ERLIN2: variants seen among roughly 807,000 people sequenced by gnomAD.
ERLIN2 encodes erlin-2.
A neutral mutation model predicts 41.5 loss-of-function variants in ERLIN2; 22 were observed. The observed-to-expected ratio is 0.53, with a 90% confidence interval of 0.38 to 0.76. The LOEUF is 0.76. ERLIN2 is among the 30% of genes least tolerant of loss of function. ERLIN2 has a pLI of 0.00. For synonymous variants in ERLIN2, 149 were observed against 150.9 expected, an observed-to-expected ratio of 0.99 and a Z score of 0.09; for missense variants, 247 against 414.3, an observed-to-expected ratio of 0.60 and a Z score of 3.51.
chr8:37,749,660 C>G lies in ERLIN2; in HGVS notation c.498+28C>G, dbSNP rs773251600. 9 of 1,571,074 alleles carry G rather than the reference C, an allele frequency of 5.7e-6. 1 individual carries two copies. In the South Asian group the frequency reaches 1.0e-4, roughly 17 times the overall value. The stretch of plus-strand genomic sequence containing the variant: ...AAGCATTGCTGCATGGGAGCAGCCC[C>G]TCTCTCTCTGACACTGCTTCCCTTC... On this transcript the variant is annotated intron_variant, in intron 7 of 11. Transcript: ENST00000519638.
chr8:37,749,519 G>C, intron 6 of ERLIN2, 40 bp from the exon 7 acceptor site: 1 of 1,431,042 alleles, frequency 7.0e-7, no homozygotes, highest in South Asian at 1.1e-5. Context: ...CATCTAGAAA[G>C]TGTAACAACT....
chr8:37,753,796 CAAT>C (rs2129727698), intron 11 of ERLIN2, 116 bp from the exon 12 acceptor site: 2 of 901,542 alleles, frequency 2.2e-6, no homozygotes, highest in East Asian at 2.6e-5. Context: ...AGAAATGTAA[CAAT>C]GAGACCACAA....
chr8:37,748,509 C>G (rs573001437), intron 6 of ERLIN2, among the ~76,000 whole-genome samples: 1 of 152,280 alleles, frequency 6.6e-6, no homozygotes, highest in African/African-American at 2.4e-5. Flanking sequence ...TCCTAACAAT[C>G]AAGGCCCACC....
chr8:37,739,525 G>C (rs758314651), intron 2 of ERLIN2, among the ~76,000 whole-genome samples: 38 of 151,960 alleles, frequency 2.5e-4, no homozygotes, highest in Non-Finnish European at 5.1e-4. Context: ...GCCCAGGCTG[G>C]AGTGCAGTGG....
rs891430350 is a variant in ERLIN2 at position 37,757,975 on chromosome 8, T to C, written c.*3860T>C. The stretch of plus-strand genomic sequence containing the variant: ...ACTCCCAGTCTTTACTCTGGAAAGC[T>C]GCCCAGCTTAGGGTTGCCAGATAAA... On this transcript the variant is annotated 3_prime_UTR_variant, in exon 12 of 12. Coordinates refer to ENST00000519638, the MANE Select transcript of ERLIN2 (RefSeq NM_007175.8). The C allele has an allele frequency of 6.6e-6, 1 of 152,236 alleles. No individual in the cohort carries two copies. The highest frequency in any genetic ancestry group is 2.4e-5 in the African/African-American group (1 of 41,468). The allele number at this position is 152,236 out of a possible 1,614,324, so 9.4% of individuals were successfully genotyped here.
chr8:37,754,220 G>T lies in ERLIN2; in HGVS notation c.*105G>T. On this transcript the variant is annotated 3_prime_UTR_variant, in exon 12 of 12. Coordinates refer to ENST00000519638, the MANE Select transcript of ERLIN2 (RefSeq NM_007175.8). The stretch of plus-strand genomic sequence containing the variant: ...GACTACCTTCTCTGACTGTCTTCCA[G>T]TTACTGTGGTGAAAAAGAAGAAATG... The T allele has an allele frequency of 1.1e-6, 1 of 873,118 alleles. No individual in the cohort carries two copies. The highest frequency in any genetic ancestry group is 1.7e-5 in the African/African-American group (1 of 60,104). 54.1% of individuals were successfully genotyped at this position (873,118 alleles called of 1,614,324 possible). A position where few individuals can be genotyped will look rare whatever the true frequency, so the allele number is the denominator to read the frequency against.
intron 7 of ERLIN2, 50 bp from the exon 8 acceptor site, chr8:37,749,744 C>T (rs1485026770): frequency 1.3e-6 from 2 of 1,580,816 alleles, no homozygotes; most frequent in Non-Finnish European, 1.7e-6. Context: ...CTGGGTGTGT[C>T]CCTCACTACC....
rs2129743507 is a variant in ERLIN2, at chr8:37,757,474, CAA to C, written c.*3361_*3362del. The stretch of plus-strand genomic sequence containing the variant: ...TAAGTAGGCAAACTACTTCTACTTT[CAA>C]AGAGCCCCAAGGGCTTAATGACCCC... On this transcript the variant is annotated 3_prime_UTR_variant, in exon 12 of 12. Coordinates refer to ENST00000519638, the MANE Select transcript of ERLIN2 (RefSeq NM_007175.8). The C allele has an allele frequency of 6.6e-6, 1 of 152,144 alleles. No homozygotes were observed. The highest frequency in any genetic ancestry group is 1.9e-4 in the East Asian group (1 of 5,184). The allele number at this position is 152,144 out of a possible 1,614,324, so 9.4% of individuals were successfully genotyped here.
intron 4 of ERLIN2, among the ~76,000 whole-genome samples, chr8:37,742,442 A>G (rs2129665545): frequency 6.6e-6 from 1 of 152,272 alleles, no homozygotes; most frequent in East Asian, 1.9e-4. Context: ...AGAAAATGTG[A>G]TACATATATA....
Position 37,738,044 on chromosome 8 carries a change from G to T in ERLIN2, c.107+15G>T. On this transcript the variant is annotated intron_variant, in intron 2 of 11. Transcript: ENST00000519638. Reference sequence around the variant, plus strand: ...GTATATTACAGGTAAGGCAGAGACAGGGAGAAGCCGGCAACTTCCTGTTAA... The same window carrying T: ...GTATATTACAGGTAAGGCAGAGACATGGAGAAGCCGGCAACTTCCTGTTAA... The T allele has an allele frequency of 6.2e-7, 1 of 1,613,912 alleles. No individual in the cohort carries two copies. The highest frequency in any genetic ancestry group is 8.5e-7 in the Non-Finnish European group (1 of 1,179,842).
In ERLIN2 at chr8:37,741,782, A is replaced by C. The variant is rs770428614; in HGVS notation, c.200A>C (p.Gln67Pro). The C allele has an allele frequency of 6.2e-7, 1 of 1,613,610 alleles. No individual in the cohort carries two copies. Among genetic ancestry groups the C allele is most frequent in the Non-Finnish European group, 8.5e-7 (1 of 1,179,478 alleles). The change falls in exon 4 of 12, where the codon CAG becomes CCG. Residue 67 changes from glutamine to proline, a missense_variant. Gln to Pro is a moderately conservative substitution (Grantham distance 76). Transcript: ENST00000519638. The surrounding 1 kb of genome is among the most constrained non-coding windows in gnomAD (Gnocchi z 4.8). ...TSYKSVQTTL[Q>P]TDEVKNVPCG... ...TTCCTCTGTTTCCAGACCACACTCC[A>C]GACAGATGAGGTGAAGAATGTACCT...
intron 11 of ERLIN2, 79 bp downstream of exon 11, chr8:37,753,608 G>T (rs1038353803): frequency 1.5e-6 from 2 of 1,295,982 alleles, no homozygotes; most frequent in African/African-American, 1.5e-5. Context: ...AGTGTTGAGC[G>T]CCTGCCACCA....
chr8:37,751,615 CATT>C lies in ERLIN2; in HGVS notation c.650-10_650-8del. ...ATGCCAGAACCGTAATCCTCACTATCATTTATTCAGAGGCAGAAAAAGTGGCCC... is the reference window on the plus strand; with the variant it reads ...ATGCCAGAACCGTAATCCTCACTATCTATTCAGAGGCAGAAAAAGTGGCCC... On this transcript the variant is annotated splice_polypyrimidine_tract_variant and splice_region_variant and intron_variant, in intron 9 of 11. Transcript: ENST00000519638. 6.2e-7 allele frequency: 1 copy of C among 1,605,278 alleles called. No individual in the cohort carries two copies. Among genetic ancestry groups the C allele is most frequent in the Non-Finnish European group, 8.5e-7 (1 of 1,171,900 alleles).
In ERLIN2 at chr8:37,736,689, CCCG is replaced by C. The variant is rs951788142; in HGVS notation, c.-16+14_-16+16del. ...TGCAGGGACAGCCTGGTACGCGGCC[CCCG>C]CCCCTTCGTGCGCGCGCTGGGCCTA... On this transcript the variant is annotated intron_variant, in intron 1 of 11. Transcript: ENST00000519638. 183 of 985,520 alleles carry C rather than the reference CCCG, an allele frequency of 1.9e-4. No homozygotes were observed. The highest frequency in any genetic ancestry group is 2.2e-4 in the Non-Finnish European group (180 of 830,058). 61.0% of individuals were successfully genotyped at this position (985,520 alleles called of 1,614,324 possible).
rs1369721349 is a variant in ERLIN2, at chr8:37,753,359, C to T, written c.740-91C>T. On this transcript the variant is annotated intron_variant, in intron 10 of 11. Transcript: ENST00000519638. ...GCAATCAGGGGCGAAGTTCCAGGGA[C>T]CAGAACAGAGTCTTCCCATAGCCTC... is the stretch of plus-strand genomic sequence containing the variant. The T allele has an allele frequency of 4.7e-6, 5 of 1,071,684 alleles. No homozygotes were observed. In the East Asian group the frequency reaches 9.9e-5, roughly 21 times the overall value. The allele number at this position is 1,071,684 out of a possible 1,614,324, so 66.4% of individuals were successfully genotyped here.
At position 37,750,659 on chromosome 8, in the gene ERLIN2, A is replaced by G. The variant is rs551690062; in HGVS notation, c.649+173A>G. 1.1e-3 allele frequency among the ~76,000 whole-genome samples: 165 copies of G among 152,344 alleles called. 1 individual carries two copies. The highest frequency in any genetic ancestry group is 6.8e-3 in the Middle Eastern group (2 of 294). ...AGTTGAAATTGTCAGATCATGGCCAAGGATAATGAGTTTTTTGAGTTTCCA... is the reference window on the plus strand; with the variant it reads ...AGTTGAAATTGTCAGATCATGGCCAGGGATAATGAGTTTTTTGAGTTTCCA... On this transcript the variant is annotated intron_variant, in intron 9 of 11. Coordinates refer to ENST00000519638, the MANE Select transcript of ERLIN2 (RefSeq NM_007175.8).
chr8:37,747,542 T>G, intron 6 of ERLIN2: 3 of 1,612,498 alleles, frequency 1.9e-6, no homozygotes, highest in Non-Finnish European at 2.5e-6. Context: ...GTGACAGAAC[T>G]GAACTTGCCC....
chr8:37,743,586 G>C lies in ERLIN2; in HGVS notation c.237-769G>C, dbSNP rs147239850. 4.7e-4 allele frequency among the ~76,000 whole-genome samples: 72 copies of C among 152,306 alleles called. No homozygotes were observed. The East Asian group carries it at 0.012, about 24-fold the overall frequency. ...GGTTAGGGCTTCAACATATGAATCT[G>C]GGGGCGAGGCATACACAGGTCAGTC... On this transcript the variant is annotated intron_variant, in intron 4 of 11. Coordinates refer to ENST00000519638, the MANE Select transcript of ERLIN2 (RefSeq NM_007175.8).
chr8:37,745,035 C>T lies in ERLIN2; in HGVS notation c.424+339C>T, dbSNP rs1802992241. 1.0e-5 allele frequency: 6 copies of T among 590,872 alleles called. No homozygotes were observed. In the East Asian group the frequency reaches 1.7e-4, roughly 16 times the overall value. The allele number at this position is 590,872 out of a possible 1,614,324, so 36.6% of individuals were successfully genotyped here. On this transcript the variant is annotated intron_variant, in intron 6 of 11. Transcript: ENST00000519638. ...AAGACAAGGTCCATTCTAGAAGAAC[C>T]TTAGAGATTGTCCAGACCAGCATCC...
Sources: gnomAD v4.1 joint callset for allele counts (sites outside exome capture counted in the v4.1 genomes callset) on GRCh38, gnomAD v4.1.1 for gene constraint, Gnocchi (gnomAD v3.1) non-coding constraint, MANE v1.5 for transcripts, NCBI Gene and HGNC (gene_info 2026-07-23, HGNC 2026-07-21) for gene names.